SH3D21: variants seen among roughly 807,000 people sequenced by gnomAD.
The protein encoded by SH3D21 is manchette microtubule inner protein 1.
Under a neutral mutation model 82.1 loss-of-function variants are expected in SH3D21, and 83 were observed. That is an observed-to-expected ratio of 1.01 (90% CI 0.85 to 1.21). The LOEUF is 1.21. Among genes scored for constraint, SH3D21 ranks in the 50% most tolerant of loss-of-function variants. The pLI, the probability that SH3D21 is intolerant of heterozygous loss-of-function variation, is 0.00. For synonymous variants in SH3D21, 383 were observed against 387.8 expected, an observed-to-expected ratio of 0.99 and a Z score of 0.15; for missense variants, 980 against 962.1, an observed-to-expected ratio of 1.02 and a Z score of -0.25.
Position 36,306,933 on chromosome 1 carries a change from G to T in SH3D21, c.226+28G>T. The stretch of plus-strand genomic sequence containing the variant: ...GAGCGCAAGGGCGGGGACGGGCGCC[G>T]GTGGGCGGGTGCACGGAGCCAGTGC... On this transcript the variant is annotated intron_variant, in intron 3 of 15. Transcript: ENST00000453908. This position sits in a 1 kb window ranked among gnomAD's most constrained non-coding sequence, Gnocchi z 4.5. 1 of 1,327,750 alleles carries T rather than the reference G, an allele frequency of 7.5e-7. No individual in the cohort carries two copies. The highest frequency in any genetic ancestry group is 1.3e-5 in the South Asian group (1 of 74,632). 82.2% of individuals were successfully genotyped at this position (1,327,750 alleles called of 1,614,324 possible). A position where few individuals can be genotyped will look rare whatever the true frequency, so the allele number is the denominator to read the frequency against.
chr1:36,320,933 C>T lies in SH3D21; in HGVS notation c.2154C>T (p.Ile718=). The T allele has an allele frequency of 2.6e-6, 4 of 1,566,226 alleles. No individual in the cohort carries two copies. The highest frequency in any genetic ancestry group is 3.5e-6 in the Non-Finnish European group (4 of 1,155,480). The change falls in exon 15 of 16, where the codon ATC becomes ATT. Residue 718 remains isoleucine (I), a synonymous_variant. Transcript: ENST00000453908. ...CCCGCAGGAGGAAGCTGACCGACATCTGGGAGGAGCTGAAGAGCGAGAAGG... is the reference window on the plus strand; with the variant it reads ...CCCGCAGGAGGAAGCTGACCGACATTTGGGAGGAGCTGAAGAGCGAGAAGG... The part of the protein sequence containing the change: ...EVQLERKLTD[I]WEELKSEKEQ...
At chr1:36,313,026 T>G (rs1052946698) in intron 10 of SH3D21, among the ~76,000 whole-genome samples, 2 of 151,986 alleles carry the variant, frequency 1.3e-5, no homozygotes, top group African/African-American at 4.8e-5. Context: ...TGGTGGATCT[T>G]ATATAAGATG....
At chr1:36,327,098 C>T (rs945937491), downstream of SH3D21, among the ~76,000 whole-genome samples, 3 of 152,096 alleles carry the variant, frequency 2.0e-5, no homozygotes, top group African/African-American at 7.2e-5. Flanking sequence ...GAGGGGTCTC[C>T]TGGAGGTGAA....
downstream of SH3D21, chr1:36,322,965 C>T: frequency 6.2e-7 from 1 of 1,606,634 alleles, no homozygotes; most frequent in Non-Finnish European, 8.5e-7. Context: ...CGGCGCCCGC[C>T]CTCACCGCGG....
chr1:36,308,843 C>T (rs1352734269), intron 9 of SH3D21, among the ~76,000 whole-genome samples: 3 of 151,626 alleles, frequency 2.0e-5, no homozygotes, highest in Non-Finnish European at 4.4e-5. Context: ...ATTAGCTGGG[C>T]GTGGTGGCAT....
In SH3D21 at chr1:36,319,749, A is replaced by G; in HGVS notation, c.1086A>G (p.Pro362=). Residue 362 remains proline, a synonymous_variant, in exon 14 of 16, where the codon CCA becomes CCG. Coordinates refer to ENST00000453908, the MANE Select transcript of SH3D21 (RefSeq NM_001162530.2). The stretch of plus-strand genomic sequence containing the variant: ...CCATGCCGGACAAGACTGCCACCCC[A>G]GAGAGGCCCCCAGCTCCAGAGAACG... ...RTPMPDKTAT[P]ERPPAPENAP... is the part of the protein sequence containing the mutation. 1 of 1,602,764 alleles carries G rather than the reference A, an allele frequency of 6.2e-7. No individual in the cohort carries two copies.
chr1:36,320,197 C>A lies in SH3D21; in HGVS notation c.1534C>A (p.Leu512Met). ...CCATCACTTCTCTTCGGAGGAAGCC[C>A]TGCAGAAGGTCAAGTACTTTGTAGC... Reference protein sequence around the residue: ...QFHHFSSEEALQKVKYFVAKE... With the variant: ...QFHHFSSEEAMQKVKYFVAKE... The change falls in exon 14 of 16, where the codon CTG becomes ATG. Residue 512 changes from leucine (L) to methionine (M), a missense_variant. Transcript: ENST00000453908. 3.7e-6 allele frequency: 6 copies of A among 1,613,418 alleles called. No homozygotes were observed. Among genetic ancestry groups the A allele is most frequent in the Non-Finnish European group, 5.1e-6 (6 of 1,180,024 alleles).
downstream of SH3D21, chr1:36,321,812 G>T (rs1261799098): frequency 7.0e-6 from 7 of 1,006,358 alleles, no homozygotes; most frequent in Admixed American, 1.6e-4. This position sits in a 1 kb window ranked among gnomAD's most constrained non-coding sequence, Gnocchi z 6.1. Flanking sequence ...GAATGCGCGC[G>T]CGCTTGCTCT....
chr1:36,321,909 T>G, downstream of SH3D21: 7 of 1,060,012 alleles, frequency 6.6e-6, no homozygotes, highest in East Asian at 7.1e-5. This position sits in a 1 kb window ranked among gnomAD's most constrained non-coding sequence, Gnocchi z 6.1. Flanking sequence ...TATCGTCGGG[T>G]TGGTGGGTGG....
At chr1:36,321,729 G>T, downstream of SH3D21, 1 of 1,010,962 alleles carries the variant, frequency 9.9e-7, no homozygotes, top group Non-Finnish European at 1.2e-6. The surrounding 1 kb of genome is among the most constrained non-coding windows in gnomAD (Gnocchi z 6.1). Context: ...TGCAGTGTAT[G>T]AACCCAGGGC....
chr1:36,322,303 A>C, downstream of SH3D21: 7 of 1,535,582 alleles, frequency 4.6e-6, no homozygotes, highest in Non-Finnish European at 6.1e-6. Context: ...CATCAGTAAT[A>C]GTGCATGCGG....
At chr1:36,318,401 T>A (rs1380435477) in intron 10 of SH3D21, among the ~76,000 whole-genome samples, 1 of 152,082 alleles carries the variant, frequency 6.6e-6, no homozygotes, top group African/African-American at 2.4e-5. Context: ...TTGGGAGTCA[T>A]TGACTTATTG....
intron 9 of SH3D21, among the ~76,000 whole-genome samples, chr1:36,308,752 A>G (rs1646181076): frequency 6.6e-6 from 1 of 152,218 alleles, no homozygotes; most frequent in Non-Finnish European, 1.5e-5. Flanking sequence ...TGGGAGGCCG[A>G]GGCGGGTGGA....
rs150565175 is a variant in SH3D21, at chr1:36,320,601, G to C, written c.1938G>C (p.Val646=). ...AGGAAGTGGCTCCAAAAGAGGAGGT[G>C]CCCCCCATAGAAAGAGCCTTTGCCC... The part of the protein sequence containing the change: ...PKEEVAPKEE[V]PPIERAFAQK... Residue 646 remains valine (V), a synonymous_variant, in exon 14 of 16, where the codon GTG becomes GTC. Coordinates refer to ENST00000453908, the MANE Select transcript of SH3D21 (RefSeq NM_001162530.2). 6.3e-4 allele frequency: 1,016 copies of C among 1,614,156 alleles called. 2 individuals carry two copies. The highest frequency in any genetic ancestry group is 7.6e-4 in the Non-Finnish European group (901 of 1,179,992).
chr1:36,320,669 C>T lies in SH3D21; in HGVS notation c.2006C>T (p.Thr669Met), dbSNP rs1394224798. 2 of 1,614,278 alleles carry T rather than the reference C, an allele frequency of 1.2e-6. No individual in the cohort carries two copies. The highest frequency in any genetic ancestry group is 1.7e-6 in the Non-Finnish European group (2 of 1,180,048). ...PIKPPPDSQE[T>M]LALPSLVPQN... ...AAGCCGCCTCCAGACTCCCAAGAGA[C>T]GCTCGCGCTCCCCTCGCTGGTCCCG... Residue 669 changes from threonine to methionine, a missense_variant, in exon 14 of 16, where the codon ACG (threonine) becomes ATG (methionine). Coordinates refer to ENST00000453908, the MANE Select transcript of SH3D21 (RefSeq NM_001162530.2).
In SH3D21 at chr1:36,307,187, A is replaced by C. The variant is rs1646145114; in HGVS notation, c.247A>C (p.Arg83=). The C allele has an allele frequency of 1.9e-6, 3 of 1,551,740 alleles. No homozygotes were observed. The South Asian group carries it at 3.6e-5, about 18-fold the overall frequency. The change falls in exon 4 of 16, where the codon AGG becomes CGG. Residue 83 remains arginine, a synonymous_variant. Transcript: ENST00000453908. This position sits in a 1 kb window ranked among gnomAD's most constrained non-coding sequence, Gnocchi z 5.4. ...RRRGHPAKHP[R]PQRWCKVNFS... ...GCTAGGTCATCCTGCCAAACACCCGAGGCCCCAAAGATGGTGCAAAGTGAA... is the reference window on the plus strand; with the variant it reads ...GCTAGGTCATCCTGCCAAACACCCGCGGCCCCAAAGATGGTGCAAAGTGAA...
At chr1:36,322,505 C>A, downstream of SH3D21, 3 of 1,602,158 alleles carry the variant, frequency 1.9e-6, no homozygotes, top group South Asian at 2.2e-5. Flanking sequence ...GCTCGGGGCC[C>A]GGCAGCGTGT....
intron 10 of SH3D21, among the ~76,000 whole-genome samples, chr1:36,316,798 CTT>C (rs1232251207): frequency 2.3e-4 from 33 of 140,968 alleles, no homozygotes; most frequent in African/African-American, 7.7e-4. Context: ...GAGTTTTGCT[CTT>C]GTTACCCAGG....
Position 36,308,000 on chromosome 1 carries a change from C to T in SH3D21, c.538+37C>T. 2 of 1,551,360 alleles carry T rather than the reference C, an allele frequency of 1.3e-6. No homozygotes were observed. The highest frequency in any genetic ancestry group is 1.7e-6 in the Non-Finnish European group (2 of 1,146,900). ...TCCAAAGGGTCCCCCACTCCCTCAG[C>T]CACTCCCAAGGTTGTGACTTGGTGG... On this transcript the variant is annotated intron_variant, in intron 7 of 15. Transcript: ENST00000453908. The surrounding 1 kb of genome is among the most constrained non-coding windows in gnomAD (Gnocchi z 5.4).
Sources: gnomAD v4.1 joint callset for allele counts (sites outside exome capture counted in the v4.1 genomes callset) on GRCh38, gnomAD v4.1.1 for gene constraint, Gnocchi (gnomAD v3.1) non-coding constraint, MANE v1.5 for transcripts, NCBI Gene and HGNC (gene_info 2026-07-23, HGNC 2026-07-21) for gene names.